Variants in ERI1 observed in about 807,000 individuals in gnomAD.
The protein encoded by ERI1 is exoribonuclease 1.
A neutral mutation model predicts 39.7 loss-of-function variants in ERI1; 39 were observed. The ratio of observed to expected loss-of-function variants is 0.98; its 90% CI spans 0.76 to 1.28. The LOEUF (loss-of-function observed/expected upper bound fraction) is 1.28. ERI1 is among the 50% of genes most tolerant of loss of function. ERI1 has a pLI of 0.00. For missense variants in ERI1, 581 were observed against 416.9 expected (o/e 1.39, Z -3.43); for synonymous variants, 204 against 149.6 (o/e 1.36, Z -2.65).
chr8:9,056,788 C>T (rs569280498), intron 3 of ERI1, among the ~76,000 whole-genome samples: 55 of 152,208 alleles, frequency 3.6e-4, no homozygotes, highest in African/African-American at 1.2e-3. Context: ...TTTGATTACC[C>T]GTCAATTTTG....
At chr8:9,026,549 A>G (rs531331211) in intron 6 of ERI1, among the ~76,000 whole-genome samples, 2 of 152,266 alleles carry the variant, frequency 1.3e-5, no homozygotes, top group East Asian at 3.9e-4. Context: ...ATGTTGTATC[A>G]TGTGTCAGAA....
At chr8:9,008,257 G>T in intron 2 of ERI1, 109 bp downstream of exon 2, 1 of 991,142 alleles carries the variant, frequency 1.0e-6, no homozygotes, top group East Asian at 2.7e-5. Flanking sequence ...GTAATGACAT[G>T]ATCCTATTAA....
At chr8:9,039,478 C>G (rs962060887) in intron 3 of ERI1, among the ~76,000 whole-genome samples, 9 of 152,148 alleles carry the variant, frequency 5.9e-5, no homozygotes, top group Admixed American at 3.9e-4. Flanking sequence ...AAAACCATCA[C>G]AGAACACCTT....
rs1797634270 is a variant in ERI1, at chr8:9,032,198, A to AGTACAACTT, written c.*2165_*2173dup. 1.3e-5 allele frequency: 2 copies of AGTACAACTT among 152,238 alleles called. No individual in the cohort carries two copies. Among genetic ancestry groups the AGTACAACTT allele is most frequent in the Admixed American group, 1.3e-4 (2 of 15,288 alleles). The allele number at this position is 152,238 out of a possible 1,614,324, so 9.4% of individuals were successfully genotyped here. A position where few individuals can be genotyped will look rare whatever the true frequency, so the allele number is the denominator to read the frequency against. ...ATTGTGTTGTCTTTGAAAGACAAATAGTACAACTTTTTACAAGGAAACACG... is the reference window on the plus strand; with the variant it reads ...ATTGTGTTGTCTTTGAAAGACAAATAGTACAACTTGTACAACTTTTTACAAGGAAACACG... On this transcript the variant is annotated 3_prime_UTR_variant, in exon 7 of 7. Transcript: ENST00000250263.
downstream of ERI1, among the ~76,000 whole-genome samples, chr8:9,033,555 A>C (rs1484120257): frequency 8.9e-6 from 1 of 112,276 alleles, no homozygotes; most frequent in Non-Finnish European, 1.9e-5. Context: ...ATGAGAGCGT[A>C]GAGCTGAATG....
At chr8:9,089,052 C>G (rs1208026099) in intron 3 of ERI1, among the ~76,000 whole-genome samples, 1 of 152,208 alleles carries the variant, frequency 6.6e-6, no homozygotes, top group Non-Finnish European at 1.5e-5. Context: ...CACTTCCTCA[C>G]TGTGTGATAT....
chr8:9,041,634 CAA>C (rs1798022647), intron 3 of ERI1, among the ~76,000 whole-genome samples: 1 of 152,128 alleles, frequency 6.6e-6, no homozygotes, highest in South Asian at 2.1e-4. Context: ...TTCCTTGAAA[CAA>C]ATGAAATAGA....
intron 3 of ERI1, among the ~76,000 whole-genome samples, chr8:9,098,603 C>G (rs1799953248): frequency 6.6e-6 from 1 of 152,080 alleles, no homozygotes; most frequent in Non-Finnish European, 1.5e-5. Flanking sequence ...GATAAAAAGA[C>G]TACACCTTGG....
rs73522591 is a variant in ERI1 at position 9,004,085 on chromosome 8, G to T, written c.108+914G>T. On this transcript the variant is annotated intron_variant, in intron 1 of 6. Coordinates refer to ENST00000250263, the MANE Select transcript of ERI1 (RefSeq NM_153332.4). ...CCTTTTGTTCCCAGTGCCCCTCGCT[G>T]CCTTGTGTTCTTTGACATTGGAAAG... The T allele has an allele frequency of 3.3e-3, 4,197 of 1,289,172 alleles. 116 individuals are homozygous for T. In the African/African-American group the frequency reaches 0.057, roughly 18 times the overall value. The allele number at this position is 1,289,172 out of a possible 1,614,324, so 79.9% of individuals were successfully genotyped here.
At chr8:9,059,990 C>T (rs910762142) in intron 3 of ERI1, among the ~76,000 whole-genome samples, 20 of 152,162 alleles carry the variant, frequency 1.3e-4, no homozygotes, top group Non-Finnish European at 2.8e-4. Flanking sequence ...TGTAGCATTC[C>T]GAGGACAGGC....
chr8:9,081,220 C>G (rs1585292295), intron 3 of ERI1, among the ~76,000 whole-genome samples: 1 of 152,220 alleles, frequency 6.6e-6, no homozygotes, highest in South Asian at 2.1e-4. Flanking sequence ...CACCAGGACC[C>G]TCTGTTGACA....
At chr8:9,003,234 C>G (rs1411044232) in intron 1 of ERI1, 63 bp downstream of exon 1, 1 of 1,027,986 alleles carries the variant, frequency 9.7e-7, no homozygotes, top group African/African-American at 1.6e-5. Context: ...GCGCCCTCGG[C>G]ACCCCTTTCT....
chr8:9,026,875 A>G (rs1045035980), intron 6 of ERI1, among the ~76,000 whole-genome samples: 1 of 151,798 alleles, frequency 6.6e-6, no homozygotes, highest in Non-Finnish European at 1.5e-5. Flanking sequence ...AAAAAAATCC[A>G]TTGATTGTTT....
At chr8:9,045,073 A>G (rs927110459) in intron 3 of ERI1, among the ~76,000 whole-genome samples, 2 of 151,626 alleles carry the variant, frequency 1.3e-5, no homozygotes, top group African/African-American at 4.8e-5. Context: ...CTGTCTCTAC[A>G]AAAATACAAA....
chr8:9,081,534 C>T (rs1234276559), intron 3 of ERI1, among the ~76,000 whole-genome samples: 3 of 152,108 alleles, frequency 2.0e-5, no homozygotes, highest in Non-Finnish European at 2.9e-5. Flanking sequence ...GCCATCCTTC[C>T]CCTGATATGT....
At chr8:9,016,284 C>G (rs766220583) in intron 3 of ERI1, 38 bp from the exon 4 acceptor site, 11 of 1,325,494 alleles carry the variant, frequency 8.3e-6, no homozygotes, top group African/African-American at 7.4e-5. Context: ...TATCTTAACT[C>G]ATATAAATTA....
At chr8:9,033,990 G>A (rs958050231), downstream of ERI1, among the ~76,000 whole-genome samples, 1 of 152,216 alleles carries the variant, frequency 6.6e-6, no homozygotes. Flanking sequence ...CCAGCTGTAA[G>A]GTTTTTTCGG....
At chr8:9,053,067 A>G (rs573771456) in intron 3 of ERI1, among the ~76,000 whole-genome samples, 186 of 152,192 alleles carry the variant, frequency 1.2e-3, no homozygotes, top group African/African-American at 4.3e-3. Context: ...CCCAGGCTGG[A>G]GTGCAATGGC....
chr8:9,049,040 C>T (rs1297118102), intron 3 of ERI1, among the ~76,000 whole-genome samples: 1 of 151,910 alleles, frequency 6.6e-6, no homozygotes, highest in Non-Finnish European at 1.5e-5. Context: ...TGTTTGAATG[C>T]CATCTTTACA....
Sources: allele counts gnomAD v4.1 joint callset (sites outside exome capture counted in the v4.1 genomes callset), GRCh38; gene constraint gnomAD v4.1.1; transcripts MANE v1.5; gene names NCBI Gene and HGNC (gene_info 2026-07-23, HGNC 2026-07-21).